The following SHISA9 variants were observed in gnomAD, a reference collection of about 807,000 sequenced individuals.
The protein encoded by SHISA9 is protein shisa-9.
In SHISA9, 13 loss-of-function variants were observed where a neutral mutation model predicts 38.0. That is an observed-to-expected ratio of 0.34 (90% CI 0.22 to 0.54). The LOEUF is 0.54. SHISA9 is among the 20% of genes least tolerant of loss of function. The pLI is 0.91. For synonymous variants in SHISA9, 275 were observed against 242.0 expected, an observed-to-expected ratio of 1.14 and a Z score of -1.27; for missense variants, 538 against 575.8, an observed-to-expected ratio of 0.93 and a Z score of 0.67.
the SHISA9 span, among the ~76,000 whole-genome samples, chr16:13,459,658 G>A: frequency 6.6e-6 from 1 of 152,110 alleles, no homozygotes; most frequent in Non-Finnish European, 1.5e-5. Flanking sequence ...AGGGAACTGT[G>A]CATTTCTGTT....
chr16:13,232,465 G>A lies in SHISA9; in HGVS notation c.896-2565G>A, dbSNP rs546424285. ...AAAAATTAAAAGAAAAGAAAAGAAA[G>A]TGTTGATGAAAAAGGTCAAACTCTG... On this transcript the variant is annotated intron_variant, in intron 4 of 4. Coordinates refer to ENST00000558583, the MANE Select transcript of SHISA9 (RefSeq NM_001145204.3). 9.2e-4 allele frequency among the ~76,000 whole-genome samples: 140 copies of A among 152,246 alleles called. 1 individual carries two copies. Among genetic ancestry groups the A allele is most frequent in the African/African-American group, 3.2e-3 (132 of 41,540 alleles).
At chr16:13,405,648 T>A in the SHISA9 span, among the ~76,000 whole-genome samples, 5 of 152,162 alleles carry the variant, frequency 3.3e-5, no homozygotes, top group African/African-American at 4.8e-5. Flanking sequence ...TAGTAGTCCC[T>A]AGTGTCTGTT....
the SHISA9 span, among the ~76,000 whole-genome samples, chr16:13,402,026 A>T: frequency 1.3e-5 from 2 of 152,202 alleles, no homozygotes; most frequent in African/African-American, 4.8e-5. Context: ...GGTTCCTCCC[A>T]TGGCATGTGG....
the SHISA9 span, among the ~76,000 whole-genome samples, chr16:13,388,002 G>C: frequency 6.6e-6 from 1 of 152,120 alleles, no homozygotes; most frequent in Non-Finnish European, 1.5e-5. Context: ...AATACTGAGA[G>C]CCGTGAAGCC....
At chr16:13,435,070 T>C in the SHISA9 span, among the ~76,000 whole-genome samples, 1 of 152,248 alleles carries the variant, frequency 6.6e-6, no homozygotes, top group African/African-American at 2.4e-5. Context: ...TTTTCAAACA[T>C]ACTTTCCTCT....
At chr16:13,155,832 T>C (rs2050541651) in intron 2 of SHISA9, among the ~76,000 whole-genome samples, 1 of 152,006 alleles carries the variant, frequency 6.6e-6, no homozygotes, top group Non-Finnish European at 1.5e-5. Context: ...ATGTTCCCTG[T>C]ATAGTAACAA....
chr16:13,402,410 A>G, the SHISA9 span, among the ~76,000 whole-genome samples: 3 of 151,782 alleles, frequency 2.0e-5, no homozygotes, highest in African/African-American at 7.3e-5. Context: ...CAAGAAGGAC[A>G]TTTCTGTGCC....
At chr16:13,394,717 A>G in the SHISA9 span, among the ~76,000 whole-genome samples, 2,780 of 152,264 alleles carry the variant, frequency 0.018, 77 homozygotes, top group African/African-American at 0.064. Context: ...AGCACTTAGG[A>G]CAGTATTGTG....
intron 2 of SHISA9, among the ~76,000 whole-genome samples, chr16:13,140,128 TCCCTTCCCTTCCCTCCCCTCCCCTC>T (rs1408252660): frequency 1.3e-3 from 32 of 25,044 alleles, no homozygotes; most frequent in African/African-American, 4.4e-3. Flanking sequence ...TCCCTTCCCT[TCCCTTCCCTTCCCTCCCCTCCCCTC>T]CCCTCCCCTC....
At chr16:13,242,894 C>T (rs2051445447), downstream of SHISA9, among the ~76,000 whole-genome samples, 1 of 152,066 alleles carries the variant, frequency 6.6e-6, no homozygotes, top group Non-Finnish European at 1.5e-5. Context: ...GAGCACTTGC[C>T]AGGTACTCGG....
At chr16:13,515,462 A>G in the SHISA9 span, among the ~76,000 whole-genome samples, 190 of 152,166 alleles carry the variant, frequency 1.2e-3, no homozygotes, top group African/African-American at 4.3e-3. Flanking sequence ...AGCTAATACT[A>G]CTCACAAAGA....
At position 13,237,646 on chromosome 16, in the gene SHISA9, G is replaced by C. The variant is rs1596760377; in HGVS notation, c.*2237G>C. ...CCCTCTAGCCTGGGTGACGGAGTGA[G>C]ACTATCTCAAAAAAAAAAAAAAAAA... is the stretch of plus-strand genomic sequence containing the variant. On this transcript the variant is annotated 3_prime_UTR_variant, in exon 5 of 5. Transcript: ENST00000558583. 2 of 113,472 alleles carry C rather than the reference G, an allele frequency of 1.8e-5. No individual in the cohort carries two copies. The highest frequency in any genetic ancestry group is 2.6e-4 in the East Asian group (1 of 3,866). The allele number at this position is 113,472 out of a possible 1,614,324, so 7.0% of individuals were successfully genotyped here. A position where few individuals can be genotyped will look rare whatever the true frequency, so the allele number is the denominator to read the frequency against.
At chr16:13,375,624 A>T in the SHISA9 span, among the ~76,000 whole-genome samples, 1 of 152,226 alleles carries the variant, frequency 6.6e-6, no homozygotes, top group Non-Finnish European at 1.5e-5. Flanking sequence ...AATAGAAAAA[A>T]GAAAACATCC....
the SHISA9 span, among the ~76,000 whole-genome samples, chr16:13,356,447 T>TA: frequency 2.0e-5 from 3 of 152,268 alleles, no homozygotes; most frequent in Admixed American, 2.0e-4. Flanking sequence ...GACTGTGCCT[T>TA]TAGCTCCAGC....
At chr16:13,559,128 A>G in the SHISA9 span, among the ~76,000 whole-genome samples, 2 of 152,168 alleles carry the variant, frequency 1.3e-5, no homozygotes, top group African/African-American at 2.4e-5. Flanking sequence ...TACACTCTTA[A>G]CAAATATTGG....
At chr16:13,107,822 G>A (rs943606854) in intron 2 of SHISA9, among the ~76,000 whole-genome samples, 3 of 152,146 alleles carry the variant, frequency 2.0e-5, no homozygotes, top group Non-Finnish European at 4.4e-5. Flanking sequence ...GTGGCAGTGG[G>A]TATAAGGCAC....
At chr16:13,064,506 C>A (rs150402434) in intron 2 of SHISA9, among the ~76,000 whole-genome samples, 119 of 152,214 alleles carry the variant, frequency 7.8e-4, no homozygotes, top group Non-Finnish European at 6.2e-4. Context: ...TTTAAACACA[C>A]CATTCCTTCA....
At chr16:13,182,219 T>G (rs1286707043) in intron 2 of SHISA9, among the ~76,000 whole-genome samples, 2 of 152,226 alleles carry the variant, frequency 1.3e-5, no homozygotes, top group Admixed American at 1.3e-4. Flanking sequence ...GGACTTCCTA[T>G]AAAATAAGTG....
At chr16:13,427,044 C>G in the SHISA9 span, among the ~76,000 whole-genome samples, 2 of 152,152 alleles carry the variant, frequency 1.3e-5, no homozygotes, top group Non-Finnish European at 1.5e-5. Flanking sequence ...TGGGACCAGG[C>G]TAGCAGAATA....
Sources: gnomAD v4.1 joint callset for allele counts (sites outside exome capture counted in the v4.1 genomes callset) on GRCh38, gnomAD v4.1.1 for gene constraint, MANE v1.5 for transcripts, NCBI Gene and HGNC (gene_info 2026-07-23, HGNC 2026-07-21) for gene names.